The following CLIP4 variants were observed in gnomAD, a reference collection of about 807,000 sequenced individuals.
The protein encoded by CLIP4 is CAP-Gly domain-containing linker protein 4.
A neutral mutation model predicts 73.1 loss-of-function variants in CLIP4; 47 were observed. The observed-to-expected ratio is 0.64, with a 90% CI of 0.51 to 0.82. The LOEUF (loss-of-function observed/expected upper bound fraction) is 0.82, where lower values mean the gene tolerates loss of function less well. Ranked by LOEUF, CLIP4 falls within the 40% of genes least tolerant of loss-of-function variation. The probability of loss-of-function intolerance (pLI) is 0.00; values close to 1 mark genes in which losing one functional copy is unlikely to be tolerated. For missense variants in CLIP4, 874 were observed against 852.9 expected (o/e 1.02, Z -0.31); for synonymous variants, 306 against 295.4 (o/e 1.04, Z -0.37).
At chr2:29,175,205 G>A (rs937545287) in intron 15 of CLIP4, among the ~76,000 whole-genome samples, 1 of 152,132 alleles carries the variant, frequency 6.6e-6, no homozygotes, top group Admixed American at 6.5e-5. Context: ...TTTACCTTCT[G>A]GCATGAAGGT....
intron 15 of CLIP4, 108 bp downstream of exon 15, chr2:29,174,553 T>G: frequency 6.8e-7 from 1 of 1,469,698 alleles, no homozygotes. Context: ...TGGTAGAGTT[T>G]TAACACGTAG....
intron 5 of CLIP4, among the ~76,000 whole-genome samples, chr2:29,134,967 GT>G (rs1016053144): frequency 6.6e-6 from 1 of 151,438 alleles, no homozygotes; most frequent in Non-Finnish European, 1.5e-5. Context: ...GGTATTGGCC[GT>G]TTTTTTTCTG....
upstream of CLIP4, among the ~76,000 whole-genome samples, chr2:29,110,642 C>A (rs776215355): frequency 6.6e-6 from 1 of 152,000 alleles, no homozygotes; most frequent in Non-Finnish European, 1.5e-5. Flanking sequence ...AGGTTCAGGG[C>A]TGGAGATAGA....
chr2:29,163,741 G>A (rs1297099908), intron 12 of CLIP4, 90 bp from the exon 13 acceptor site: 5 of 1,326,422 alleles, frequency 3.8e-6, no homozygotes, highest in African/African-American at 1.5e-5. Context: ...TTATGGAAAT[G>A]TTAAAACACC....
chr2:29,124,781 C>G (rs1664490372), intron 2 of CLIP4, among the ~76,000 whole-genome samples: 1 of 152,074 alleles, frequency 6.6e-6, no homozygotes, highest in South Asian at 2.1e-4. Context: ...TTTGCTTTGG[C>G]TCTTTTTTAT....
In CLIP4 at chr2:29,176,003, T is replaced by C. The variant is rs368501343; in HGVS notation, c.1796+1558T>C. Among the ~76,000 whole-genome samples the C allele has an allele frequency of 5.7e-3, 867 of 152,302 alleles. 3 individuals carry two copies. Among genetic ancestry groups the C allele is most frequent in the African/African-American group, 0.017 (703 of 41,572 alleles). ...GTCTCGATCTCCTGACATCATGATCTGCCCACCTTGGCCTCCCAAAGTGTT... is the reference window on the plus strand; with the variant it reads ...GTCTCGATCTCCTGACATCATGATCCGCCCACCTTGGCCTCCCAAAGTGTT... On this transcript the variant is annotated intron_variant, in intron 15 of 15. Coordinates refer to ENST00000320081, the MANE Select transcript of CLIP4 (RefSeq NM_024692.6).
chr2:29,163,989 CTT>C lies in CLIP4; in HGVS notation c.1658+39_1658+40del, dbSNP rs751499393. On this transcript the variant is annotated intron_variant, in intron 13 of 15. Transcript: ENST00000320081. Reference sequence around the variant, plus strand: ...TGAAATTTATGTTTATTTACAGAAACTTTTTGTAATCTGCAGTGGTTAATAGA... The same window carrying C: ...TGAAATTTATGTTTATTTACAGAAACTTTGTAATCTGCAGTGGTTAATAGA... The C allele has an allele frequency of 1.2e-5, 19 of 1,586,074 alleles. No individual in the cohort carries two copies. In the East Asian group the frequency reaches 4.3e-4, roughly 36 times the overall value.
intron 6 of CLIP4, among the ~76,000 whole-genome samples, chr2:29,140,343 C>T (rs867147399): frequency 6.6e-6 from 1 of 151,846 alleles, no homozygotes; most frequent in African/African-American, 2.4e-5. Flanking sequence ...GGTTTTTTGT[C>T]CTTGCGATAG....
chr2:29,181,650 G>C lies in CLIP4; in HGVS notation c.1875G>C (p.Glu625Asp). The C allele has an allele frequency of 6.2e-7, 1 of 1,614,164 alleles. No individual in the cohort carries two copies. The highest frequency in any genetic ancestry group is 8.5e-7 in the Non-Finnish European group (1 of 1,180,012). Residue 625 changes from glutamate (E) to aspartate (D), a missense_variant, in exon 16 of 16, where the codon GAG becomes GAC. Transcript: ENST00000320081. ...GGIEGSVKLHEGSQVLLTSSN... is the reference protein window; with the variant it reads ...GGIEGSVKLHDGSQVLLTSSN... ...TTGAAGGGAGCGTGAAGCTGCACGA[G>C]GGGTCTCAGGTCCTGCTCACGAGCT...
At chr2:29,157,414 T>C in intron 11 of CLIP4, 67 bp downstream of exon 11, 2 of 1,613,080 alleles carry the variant, frequency 1.2e-6, no homozygotes, top group Non-Finnish European at 1.7e-6. Flanking sequence ...TAAGTAGATT[T>C]GCTCTTTTTA....
intron 9 of CLIP4, among the ~76,000 whole-genome samples, chr2:29,154,415 G>T (rs1253175718): frequency 6.6e-6 from 1 of 152,138 alleles, no homozygotes; most frequent in Non-Finnish European, 1.5e-5. Flanking sequence ...GAATGGGCAG[G>T]CACCCGAAAC....
At chr2:29,113,632 T>C (rs1284613023), upstream of CLIP4, among the ~76,000 whole-genome samples, 1 of 152,214 alleles carries the variant, frequency 6.6e-6, no homozygotes, top group African/African-American at 2.4e-5. This position sits in a 1 kb window ranked among gnomAD's most constrained non-coding sequence, Gnocchi z 4.0. Context: ...GTGTAGCAGA[T>C]AAAGCCAGTG....
chr2:29,131,616 G>C, intron 3 of CLIP4: 1 of 418,540 alleles, frequency 2.4e-6, no homozygotes, highest in East Asian at 4.2e-5. Context: ...TAGACTCCTG[G>C]CGGGTGCAGG....
At chr2:29,153,450 C>T (rs1427526379) in intron 9 of CLIP4, among the ~76,000 whole-genome samples, 2 of 152,078 alleles carry the variant, frequency 1.3e-5, no homozygotes, top group Non-Finnish European at 2.9e-5. Flanking sequence ...TTATTCATAT[C>T]CTGTCTCTAG....
rs1668712919 is a variant in CLIP4, at chr2:29,182,941, T to C, written c.*1048T>C. The C allele has an allele frequency of 6.6e-6, 1 of 152,640 alleles. No homozygotes were observed. The highest frequency in any genetic ancestry group is 2.1e-4 in the South Asian group (1 of 4,830). 9.5% of individuals were successfully genotyped at this position (152,640 alleles called of 1,614,324 possible). ...GTTATTTACTTAAATGTTTATAATATCTGGATTTTTTTTGTTTTGTTACTC... is the reference window on the plus strand; with the variant it reads ...GTTATTTACTTAAATGTTTATAATACCTGGATTTTTTTTGTTTTGTTACTC... On this transcript the variant is annotated 3_prime_UTR_variant, in exon 16 of 16. Transcript: ENST00000320081.
chr2:29,169,574 GCTGA>G (rs1220392779), intron 14 of CLIP4, among the ~76,000 whole-genome samples: 4 of 152,196 alleles, frequency 2.6e-5, no homozygotes, highest in East Asian at 1.9e-4. Flanking sequence ...TGTAACAGAT[GCTGA>G]CTGTCTTTTC....
chr2:29,161,953 T>C (rs1485969721), intron 12 of CLIP4, among the ~76,000 whole-genome samples: 2 of 152,230 alleles, frequency 1.3e-5, no homozygotes, highest in Non-Finnish European at 2.9e-5. Context: ...CCACTTATAA[T>C]TGCAAGCCAA....
upstream of CLIP4, among the ~76,000 whole-genome samples, chr2:29,112,103 CTTCA>C (rs1668399127): frequency 6.6e-6 from 1 of 152,178 alleles, no homozygotes; most frequent in South Asian, 2.1e-4. Flanking sequence ...CTCCTGAGTT[CTTCA>C]TTCTGTTTCC....
At chr2:29,121,726 TATG>T (rs1489075280) in intron 2 of CLIP4, among the ~76,000 whole-genome samples, 1 of 152,252 alleles carries the variant, frequency 6.6e-6, no homozygotes, top group Non-Finnish European at 1.5e-5. Context: ...GCATTTATAT[TATG>T]TTAAAATGTT....
Sources: allele counts gnomAD v4.1 joint callset (sites outside exome capture counted in the v4.1 genomes callset), GRCh38; gene constraint gnomAD v4.1.1; non-coding constraint Gnocchi (gnomAD v3.1); transcripts MANE v1.5; gene names NCBI Gene and HGNC (gene_info 2026-07-23, HGNC 2026-07-21).